Variants in WDPCP observed in about 807,000 individuals in gnomAD.
The protein encoded by WDPCP is WD repeat containing planar cell polarity effector.
A neutral mutation model predicts 93.1 loss-of-function variants in WDPCP; 71 were observed. The ratio of observed to expected loss-of-function variants is 0.76; its 90% CI spans 0.63 to 0.93. WDPCP has a LOEUF of 0.93. Among genes scored for constraint, WDPCP ranks in the 40% least tolerant of loss-of-function variants. The pLI, the probability that WDPCP is intolerant of heterozygous loss-of-function variation, is 0.00. For missense variants in WDPCP, 844 were observed against 887.4 expected, an observed-to-expected ratio of 0.95 and a Z score of 0.62; for synonymous variants, 315 against 315.0, an observed-to-expected ratio of 1.00 and a Z score of 0.00.
intron 12 of WDPCP, among the ~76,000 whole-genome samples, chr2:63,348,722 A>G (rs1004345906): frequency 1.3e-5 from 2 of 152,174 alleles, no homozygotes; most frequent in African/African-American, 4.8e-5. Flanking sequence ...ATCAGTCTAA[A>G]ATAAATTAAA....
intron 2 of WDPCP, 144 bp from the exon 3 acceptor site, chr2:63,487,638 A>G: frequency 1.7e-6 from 1 of 583,012 alleles, no homozygotes; most frequent in Middle Eastern, 3.1e-4. Context: ...GCTCAAAAGC[A>G]TCCGGAGATG....
intron 10 of WDPCP, among the ~76,000 whole-genome samples, chr2:63,395,967 G>A (rs1181195986): frequency 1.3e-5 from 2 of 152,118 alleles, no homozygotes; most frequent in African/African-American, 4.8e-5. Flanking sequence ...GACCTCAGGT[G>A]ATCCGCCCAC....
chr2:63,220,886 G>T (rs181085466), intron 14 of WDPCP, among the ~76,000 whole-genome samples: 1 of 152,174 alleles, frequency 6.6e-6, no homozygotes, highest in African/African-American at 2.4e-5. Context: ...CCCAGTGTGT[G>T]TTGTTCCCCT....
intron 3 of WDPCP, among the ~76,000 whole-genome samples, chr2:63,600,867 T>C (rs551778876): frequency 6.6e-6 from 1 of 152,348 alleles, no homozygotes; most frequent in East Asian, 1.9e-4. Context: ...TTGCAAACTC[T>C]GGATTGCCAG....
intron 6 of WDPCP, among the ~76,000 whole-genome samples, chr2:63,454,969 G>A (rs758597956): frequency 6.6e-6 from 1 of 152,094 alleles, no homozygotes; most frequent in African/African-American, 2.4e-5. Flanking sequence ...CTTCATAAAT[G>A]AGAAAGAAAT....
intron 3 of WDPCP, among the ~76,000 whole-genome samples, chr2:63,650,206 A>G (rs975492568): frequency 1.3e-5 from 2 of 152,214 alleles, no homozygotes; most frequent in Non-Finnish European, 2.9e-5. Flanking sequence ...CTTTAGCTTG[A>G]GTCAGTCACC....
chr2:63,330,448 G>GT (rs967710648), intron 12 of WDPCP, among the ~76,000 whole-genome samples: 1 of 152,076 alleles, frequency 6.6e-6, no homozygotes, highest in Non-Finnish European at 1.5e-5. Context: ...CTATGGAGTT[G>GT]TATGAGTTCC....
chr2:63,560,286 G>T (rs1439165873), intron 1 of WDPCP, among the ~76,000 whole-genome samples: 1 of 151,994 alleles, frequency 6.6e-6, no homozygotes, highest in Non-Finnish European at 1.5e-5. Context: ...GTATAGCCAA[G>T]ATAATCCTAA....
intron 2 of WDPCP, among the ~76,000 whole-genome samples, chr2:63,688,335 G>A (rs1366158930): frequency 6.6e-6 from 1 of 151,996 alleles, no homozygotes; most frequent in Non-Finnish European, 1.5e-5. Context: ...GCTGAGGCAG[G>A]AAAATGGCGT....
At chr2:63,149,052 A>T (rs748055873) in intron 17 of WDPCP, among the ~76,000 whole-genome samples, 21 of 152,240 alleles carry the variant, frequency 1.4e-4, no homozygotes, top group African/African-American at 3.1e-4. Flanking sequence ...ATAGTCAAAA[A>T]TTTTTTTCGT....
At chr2:63,707,046 G>A (rs985559334) in intron 2 of WDPCP, among the ~76,000 whole-genome samples, 3 of 152,074 alleles carry the variant, frequency 2.0e-5, no homozygotes, top group Admixed American at 6.6e-5. Context: ...CTTTCTTTCT[G>A]GCTGCCTTTA....
At chr2:63,487,518 T>C in intron 2 of WDPCP, 24 bp from the exon 3 acceptor site, 14 of 1,535,502 alleles carry the variant, frequency 9.1e-6, no homozygotes, top group Non-Finnish European at 1.3e-5. Flanking sequence ...GAAATAACAT[T>C]AAATTATGAT....
At position 63,492,755 on chromosome 2, in the gene WDPCP, C is replaced by G. The variant is rs537409739; in HGVS notation, c.160+101G>C. 4 of 1,043,334 alleles carry G rather than the reference C, an allele frequency of 3.8e-6. No homozygotes were observed. In the African/African-American group the frequency reaches 4.8e-5, roughly 13 times the overall value. 64.6% of individuals were successfully genotyped at this position (1,043,334 alleles called of 1,614,324 possible). A position where few individuals can be genotyped will look rare whatever the true frequency, so the allele number is the denominator to read the frequency against. ...TTTCATTAAGAATAAAGAAAGAATGCAACTCCAGCTGGAGAATTCAGGCTC... is the reference window on the plus strand; with the variant it reads ...TTTCATTAAGAATAAAGAAAGAATGGAACTCCAGCTGGAGAATTCAGGCTC... On this transcript the variant is annotated intron_variant, in intron 2 of 17. Coordinates refer to ENST00000272321, the MANE Select transcript of WDPCP (RefSeq NM_015910.7).
At position 63,820,993 on chromosome 2, in the gene WDPCP, C is replaced by A. The variant is rs1402337890; in HGVS notation, n.222+6629G>T. On this transcript the variant is annotated intron_variant and non_coding_transcript_variant, in intron 1 of 4. Coordinates refer to the WDPCP transcript ENST00000467687. ...TGAGACTATAGCTTTTGAAAATCTA[C>A]ATAGTCAATATTCTTAGAAGTGAAA... Among the ~76,000 whole-genome samples, 7 of 152,234 alleles carry A rather than the reference C, an allele frequency of 4.6e-5. No homozygotes were observed. The East Asian group carries it at 1.2e-3, about 25-fold the overall frequency.
chr2:63,236,372 G>A (rs1002202498), intron 14 of WDPCP, among the ~76,000 whole-genome samples: 1 of 152,154 alleles, frequency 6.6e-6, no homozygotes, highest in Non-Finnish European at 1.5e-5. Context: ...TGGATTGGAA[G>A]AATTAATGTC....
chr2:63,625,584 A>T (rs1709801588), intron 3 of WDPCP, among the ~76,000 whole-genome samples: 1 of 152,166 alleles, frequency 6.6e-6, no homozygotes, highest in Non-Finnish European at 1.5e-5. Context: ...CACAATTGCC[A>T]CAAAGAGAAT....
chr2:63,224,339 T>A (rs1277139471), intron 14 of WDPCP, among the ~76,000 whole-genome samples: 1 of 151,968 alleles, frequency 6.6e-6, no homozygotes, highest in East Asian at 1.9e-4. Flanking sequence ...GGTGCTTCCT[T>A]ACAAAACTAA....
chr2:63,533,036 C>CA (rs1418401519), intron 1 of WDPCP, among the ~76,000 whole-genome samples: 4 of 151,650 alleles, frequency 2.6e-5, no homozygotes, highest in Middle Eastern at 3.4e-3. Flanking sequence ...AAATGGAAAA[C>CA]AAAAAAAAGC....
intron 12 of WDPCP, among the ~76,000 whole-genome samples, chr2:63,329,064 C>T (rs1266726170): frequency 1.3e-5 from 2 of 152,114 alleles, no homozygotes; most frequent in Non-Finnish European, 2.9e-5. Flanking sequence ...TTAAGATGTA[C>T]CCTATTAGCA....
Sources: allele counts gnomAD v4.1 joint callset (sites outside exome capture counted in the v4.1 genomes callset), GRCh38; gene constraint gnomAD v4.1.1; transcripts MANE v1.5; gene names NCBI Gene and HGNC (gene_info 2026-07-23, HGNC 2026-07-21).